The following TEAD1 variants were observed in gnomAD, a reference collection of about 807,000 sequenced individuals.
TEAD1 encodes the protein TEA domain transcription factor 1.
A neutral mutation model predicts 54.9 loss-of-function variants in TEAD1; 9 were observed. The ratio of observed to expected loss-of-function variants is 0.16; its 90% confidence interval spans 0.10 to 0.29. TEAD1 has a LOEUF of 0.29. Among genes scored for constraint, TEAD1 ranks in the 10% least tolerant of loss-of-function variants. The probability of loss-of-function intolerance (pLI) is 1.00; values close to 1 mark genes in which losing one functional copy is unlikely to be tolerated. For missense variants in TEAD1, 387 were observed against 535.9 expected (o/e 0.72, Z 2.74); for synonymous variants, 200 against 187.8 (o/e 1.07, Z -0.53).
chr11:12,754,033 G>T (rs1442582128), intron 2 of TEAD1, among the ~76,000 whole-genome samples: 1 of 152,152 alleles, frequency 6.6e-6, no homozygotes, highest in Non-Finnish European at 1.5e-5. Flanking sequence ...TACAAATCAA[G>T]TGAACGTATG....
rs1947955524 is a variant in TEAD1, at chr11:12,881,028, A to C, written c.489A>C (p.Thr163=). ...AGTTCTGGCCGGGAATGATTCAAACAGGGCAGCCAGGATCCTCACAAGAGT... is the reference window on the plus strand; with the variant it reads ...AGTTCTGGCCGGGAATGATTCAAACCGGGCAGCCAGGATCCTCACAAGAGT... The change falls in exon 7 of 13, where the codon ACA becomes ACC. Residue 163 remains threonine, a synonymous_variant. Transcript: ENST00000527636. 6.2e-7 allele frequency: 1 copy of C among 1,614,074 alleles called. No homozygotes were observed. The highest frequency in any genetic ancestry group is 8.5e-7 in the Non-Finnish European group (1 of 1,180,044).
chr11:12,777,305 C>T (rs1415531638), intron 3 of TEAD1, among the ~76,000 whole-genome samples: 1 of 152,098 alleles, frequency 6.6e-6, no homozygotes, highest in African/African-American at 2.4e-5. Flanking sequence ...TAATATTTAA[C>T]ATATGTTAAT....
chr11:12,838,092 C>T (rs1224344883), intron 3 of TEAD1, among the ~76,000 whole-genome samples: 1 of 152,118 alleles, frequency 6.6e-6, no homozygotes, highest in African/African-American at 2.4e-5. Context: ...CCACCGTGCC[C>T]AGCCTAATCT....
chr11:12,787,372 A>T (rs1014457407), intron 3 of TEAD1, among the ~76,000 whole-genome samples: 4 of 152,210 alleles, frequency 2.6e-5, no homozygotes, highest in African/African-American at 9.6e-5. Context: ...TAACCATTGT[A>T]TGATGCGCCT....
chr11:12,786,811 G>A (rs557006543), intron 3 of TEAD1, among the ~76,000 whole-genome samples: 19 of 152,330 alleles, frequency 1.2e-4, no homozygotes, highest in African/African-American at 3.8e-4. Context: ...AAGTGATAAA[G>A]AGGAAAATAA....
At chr11:12,861,978 CTCTG>C (rs1395363072) in intron 3 of TEAD1, among the ~76,000 whole-genome samples, 1 of 139,414 alleles carries the variant, frequency 7.2e-6, no homozygotes, top group Non-Finnish European at 1.5e-5. Context: ...AAGAGTGAAA[CTCTG>C]TCTTTTTTTT....
intron 9 of TEAD1, among the ~76,000 whole-genome samples, chr11:12,889,754 C>A (rs183609596): frequency 6.6e-6 from 1 of 152,104 alleles, no homozygotes; most frequent in Admixed American, 6.5e-5. Flanking sequence ...CAGGGTCTCA[C>A]TGCATTGCCC....
At position 12,895,207 on chromosome 11, in the gene TEAD1, C is replaced by T. The variant is rs766587244; in HGVS notation, c.700-6733C>T. ...ACGAAAGTCCTTTATTAACCCCCCC[C>T]GGGTATCTCAGAAGCCCTTTGCAAG... is the stretch of plus-strand genomic sequence containing the variant. On this transcript the variant is annotated intron_variant, in intron 9 of 12. Transcript: ENST00000527636. 7.9e-5 allele frequency among the ~76,000 whole-genome samples: 12 copies of T among 152,238 alleles called. No individual in the cohort carries two copies. In the South Asian group the frequency reaches 1.0e-3, roughly 13 times the overall value.
intron 2 of TEAD1, among the ~76,000 whole-genome samples, chr11:12,710,021 T>TAA (rs10716753): frequency 1.3e-5 from 2 of 149,172 alleles, no homozygotes; most frequent in African/African-American, 2.4e-5. Context: ...ACCAAATTGT[T>TAA]AAAAAAAAAA....
intron 3 of TEAD1, among the ~76,000 whole-genome samples, chr11:12,785,434 T>C (rs368997735): frequency 6.6e-5 from 10 of 152,304 alleles, no homozygotes; most frequent in African/African-American, 1.9e-4. Flanking sequence ...TGTTCCCAGT[T>C]TGGCTGGTGC....
chr11:12,747,790 C>G (rs1256362834), intron 2 of TEAD1, among the ~76,000 whole-genome samples: 1 of 152,164 alleles, frequency 6.6e-6, no homozygotes, highest in Non-Finnish European at 1.5e-5. Context: ...CTCATTTAAT[C>G]TTTACATCAG....
intron 10 of TEAD1, among the ~76,000 whole-genome samples, chr11:12,913,147 CT>C (rs1358145487): frequency 2.0e-5 from 3 of 152,182 alleles, no homozygotes; most frequent in Non-Finnish European, 4.4e-5. Flanking sequence ...TAACTGGACA[CT>C]TCAGGGATCT....
chr11:12,888,620 C>T (rs1433401181), intron 9 of TEAD1, among the ~76,000 whole-genome samples: 1 of 152,194 alleles, frequency 6.6e-6, no homozygotes, highest in Non-Finnish European at 1.5e-5. Flanking sequence ...CTGAAATTTA[C>T]TCGTTGGCTC....
chr11:12,718,495 C>G lies in TEAD1; in HGVS notation c.-55+42934C>G, dbSNP rs559780214. Reference sequence around the variant, plus strand: ...TGCATTCCCTTGGTCTCTGGGTATCCTTCCTCCAGCTTCTGTGGGGCAAGG... The same window carrying G: ...TGCATTCCCTTGGTCTCTGGGTATCGTTCCTCCAGCTTCTGTGGGGCAAGG... On this transcript the variant is annotated intron_variant, in intron 2 of 12. Transcript: ENST00000527636. 2.0e-5 allele frequency among the ~76,000 whole-genome samples: 3 copies of G among 152,258 alleles called. No homozygotes were observed. The East Asian group carries it at 5.8e-4, about 29-fold the overall frequency.
At chr11:12,727,273 A>C (rs7945719) in intron 2 of TEAD1, among the ~76,000 whole-genome samples, 52,478 of 151,934 alleles carry the variant, frequency 0.35, 9,607 homozygotes, top group South Asian at 0.61. Flanking sequence ...TAAAATGACA[A>C]CTGTGGTTCA....
chr11:12,708,206 C>G (rs867723488), intron 2 of TEAD1, among the ~76,000 whole-genome samples: 1 of 151,688 alleles, frequency 6.6e-6, no homozygotes. Flanking sequence ...GAGATGCTGC[C>G]TGTGAGTGCC....
At chr11:12,815,857 A>G (rs994785401) in intron 3 of TEAD1, among the ~76,000 whole-genome samples, 20 of 152,252 alleles carry the variant, frequency 1.3e-4, no homozygotes, top group South Asian at 2.1e-4. Context: ...GTACAGATCA[A>G]TGAATTCTTT....
intron 2 of TEAD1, among the ~76,000 whole-genome samples, chr11:12,757,739 A>C (rs2133916405): frequency 6.6e-6 from 1 of 152,162 alleles, no homozygotes; most frequent in South Asian, 2.1e-4. Flanking sequence ...ATCAAAGAAT[A>C]TTTGTGTTTT....
At chr11:12,777,651 G>A (rs1298850965) in intron 3 of TEAD1, among the ~76,000 whole-genome samples, 3 of 152,152 alleles carry the variant, frequency 2.0e-5, no homozygotes, top group Non-Finnish European at 2.9e-5. Context: ...GTGAGGTATC[G>A]GATTGCATGT....
Sources: gnomAD v4.1 joint callset for allele counts (sites outside exome capture counted in the v4.1 genomes callset) on GRCh38, gnomAD v4.1.1 for gene constraint, MANE v1.5 for transcripts, NCBI Gene and HGNC (gene_info 2026-07-23, HGNC 2026-07-21) for gene names.